The following COL5A1 variants were observed in gnomAD, a reference collection of about 807,000 sequenced individuals.
The protein encoded by COL5A1 is collagen type V alpha 1 chain.
A neutral mutation model predicts 263.7 loss-of-function variants in COL5A1; 16 were observed. The observed-to-expected ratio is 0.06, with a 90% confidence interval of 0.04 to 0.09. COL5A1 has a LOEUF of 0.09. COL5A1 is among the 10% of genes least tolerant of loss of function. The pLI is 1.00. For synonymous variants in COL5A1, 1,012 were observed against 1,004.5 expected, an observed-to-expected ratio of 1.01 and a Z score of -0.14; for missense variants, 2,036 against 2,540.5, an observed-to-expected ratio of 0.80 and a Z score of 4.27.
chr9:134,719,249 G>A (rs7044312), intron 4 of COL5A1, among the ~76,000 whole-genome samples: 69,950 of 151,876 alleles, frequency 0.46, 16,437 homozygotes, highest in Admixed American at 0.61. Context: ...ATAAAAGTGT[G>A]TGCATGCACC....
chr9:134,823,797 G>A (rs1839128459), intron 61 of COL5A1, among the ~76,000 whole-genome samples: 2 of 152,192 alleles, frequency 1.3e-5, no homozygotes, highest in Admixed American at 1.3e-4. Flanking sequence ...ATGTCTGTAT[G>A]TGTACGTGCA....
chr9:134,778,578 C>A (rs1388362324), intron 27 of COL5A1, among the ~76,000 whole-genome samples: 2 of 152,354 alleles, frequency 1.3e-5, no homozygotes, highest in East Asian at 1.9e-4. Flanking sequence ...GCCCTGTCCC[C>A]CCAAGGCGCT....
intron 36 of COL5A1, 113 bp downstream of exon 36, chr9:134,797,014 G>T: frequency 8.4e-7 from 1 of 1,188,456 alleles, no homozygotes; most frequent in East Asian, 2.4e-5. Context: ...CCTCACAGTG[G>T]CCGGTGGGTG....
chr9:134,782,827 G>A, intron 29 of COL5A1, 107 bp downstream of exon 29: 1 of 1,127,012 alleles, frequency 8.9e-7, no homozygotes, highest in South Asian at 1.2e-5. Flanking sequence ...TCAGAATGGA[G>A]GTAAACTCTT....
chr9:134,694,297 C>A lies in COL5A1; in HGVS notation c.277+3218C>A, dbSNP rs12346335. Among the ~76,000 whole-genome samples the A allele has an allele frequency of 5.9e-5, 9 of 152,262 alleles. 1 individual carries two copies. The South Asian group carries it at 1.0e-3, about 18-fold the overall frequency. ...GGAGCCTCCACCTGGGTGCAGTGCC[C>A]GTCCCCGCCCAGGCCGCACAGGCGT... On this transcript the variant is annotated intron_variant, in intron 2 of 65. Transcript: ENST00000371817.
chr9:134,657,772 T>G (rs1588411706), intron 1 of COL5A1, among the ~76,000 whole-genome samples: 1 of 147,816 alleles, frequency 6.8e-6, no homozygotes, highest in South Asian at 2.2e-4. Context: ...GGGCAGGGGG[T>G]GGGACAGGAC....
chr9:134,669,021 C>T (rs1435589262), intron 1 of COL5A1, among the ~76,000 whole-genome samples: 1 of 145,310 alleles, frequency 6.9e-6, no homozygotes, highest in Non-Finnish European at 1.5e-5. Context: ...CCATCCATCC[C>T]ATTTATCCAT....
intron 1 of COL5A1, among the ~76,000 whole-genome samples, chr9:134,668,560 A>G (rs776955943): frequency 8.4e-5 from 12 of 143,112 alleles, no homozygotes; most frequent in Non-Finnish European, 1.5e-4. Context: ...TCATCCATCA[A>G]TGCATCCATC....
At chr9:134,767,992 G>A (rs1226055085) in intron 24 of COL5A1, among the ~76,000 whole-genome samples, 1 of 152,238 alleles carries the variant, frequency 6.6e-6, no homozygotes, top group Non-Finnish European at 1.5e-5. Context: ...TACTGAGGCT[G>A]TGGGCCTTGC....
At position 134,700,855 on chromosome 9, in the gene COL5A1, A is replaced by G. The variant is rs911670008; in HGVS notation, c.492-316A>G. Among the ~76,000 whole-genome samples, 1 of 151,532 alleles carries G rather than the reference A, an allele frequency of 6.6e-6. No homozygotes were observed. The highest frequency in any genetic ancestry group is 1.5e-5 in the Non-Finnish European group (1 of 67,884). Reference sequence around the variant, plus strand: ...CAGGGACCACGCTCCCAGGGACCACACTCCTGGGTCCCGAGCCAGTGCCGA... The same window carrying G: ...CAGGGACCACGCTCCCAGGGACCACGCTCCTGGGTCCCGAGCCAGTGCCGA... On this transcript the variant is annotated intron_variant, in intron 3 of 65. Transcript: ENST00000371817. This position sits in a 1 kb window ranked among gnomAD's most constrained non-coding sequence, Gnocchi z 4.0.
chr9:134,837,791 C>T lies in COL5A1; in HGVS notation c.5370+2587C>T, dbSNP rs140100340. Among the ~76,000 whole-genome samples, 1,219 of 152,242 alleles carry T rather than the reference C, an allele frequency of 8.0e-3. 12 individuals are homozygous for T. Among genetic ancestry groups the T allele is most frequent in the South Asian group, 0.023 (112 of 4,826 alleles). On this transcript the variant is annotated intron_variant, in intron 65 of 65. Transcript: ENST00000371817. ...CAAACGCCTCCAGAAACACTCCCCA[C>T]GTCCGAATGCGAACCACCAATACAA...
intron 1 of COL5A1, among the ~76,000 whole-genome samples, chr9:134,658,229 T>C (rs2132492157): frequency 6.6e-6 from 1 of 152,222 alleles, no homozygotes; most frequent in African/African-American, 2.4e-5. Flanking sequence ...CGCCCCTCTG[T>C]GAGCAGGCAG....
intron 57 of COL5A1, 104 bp downstream of exon 57, chr9:134,819,157 C>A: frequency 8.2e-7 from 1 of 1,220,288 alleles, no homozygotes; most frequent in Non-Finnish European, 1.2e-6. Flanking sequence ...CTAAATGTGT[C>A]AAGCACCTGC....
At chr9:134,810,987 G>A (rs903879289) in intron 44 of COL5A1, among the ~76,000 whole-genome samples, 9 of 152,160 alleles carry the variant, frequency 5.9e-5, no homozygotes, top group African/African-American at 1.7e-4. Context: ...ACATGGTGCT[G>A]GGCGCAAGGG....
chr9:134,799,356 C>G (rs1838029610), intron 37 of COL5A1, among the ~76,000 whole-genome samples: 1 of 152,248 alleles, frequency 6.6e-6, no homozygotes, highest in Admixed American at 6.5e-5. Flanking sequence ...GCTCCAGGCT[C>G]TGAATATCTG....
Position 134,750,935 on chromosome 9 carries a change from G to C in COL5A1, c.1662+53G>C, listed in dbSNP as rs1361209778. On this transcript the variant is annotated intron_variant, in intron 13 of 65. Transcript: ENST00000371817. ...TGAAGGGGACAGAGCCCAGCCCCAG[G>C]GGCCAACAGGAGTGAGTGAGTCAGG... 3.2e-5 allele frequency: 48 copies of C among 1,483,600 alleles called. No homozygotes were observed. In the East Asian group the frequency reaches 9.9e-4, roughly 31 times the overall value. The allele number at this position is 1,483,600 out of a possible 1,614,324, so 91.9% of individuals were successfully genotyped here. A position where few individuals can be genotyped will look rare whatever the true frequency, so the allele number is the denominator to read the frequency against.
intron 57 of COL5A1, among the ~76,000 whole-genome samples, chr9:134,819,333 T>C (rs1384489069): frequency 2.0e-5 from 3 of 152,208 alleles, no homozygotes; most frequent in Non-Finnish European, 2.9e-5. Flanking sequence ...CCCCGGCTGA[T>C]GGGTGTCCAG....
intron 26 of COL5A1, 60 bp from the exon 27 acceptor site, chr9:134,774,799 T>A (rs1192748502): frequency 2.6e-6 from 4 of 1,547,620 alleles, no homozygotes. Flanking sequence ...AGTTTCCTGA[T>A]GTTCCCCAGG....
At chr9:134,706,750 G>C (rs1428293916) in intron 4 of COL5A1, among the ~76,000 whole-genome samples, 1 of 152,234 alleles carries the variant, frequency 6.6e-6, no homozygotes, top group Non-Finnish European at 1.5e-5. Flanking sequence ...CTGGCATTCT[G>C]TTCTCCTAGC....
Sources: allele counts gnomAD v4.1 joint callset (sites outside exome capture counted in the v4.1 genomes callset), GRCh38; gene constraint gnomAD v4.1.1; non-coding constraint Gnocchi (gnomAD v3.1); transcripts MANE v1.5; gene names NCBI Gene and HGNC (gene_info 2026-07-23, HGNC 2026-07-21).